TOP1: variants seen among roughly 807,000 people sequenced by gnomAD.
The protein encoded by TOP1 is DNA topoisomerase 1.
A neutral mutation model predicts 111.1 loss-of-function variants in TOP1; 10 were observed. The observed-to-expected ratio is 0.09, with a 90% CI of 0.06 to 0.15. The LOEUF (loss-of-function observed/expected upper bound fraction) is 0.15. TOP1 is among the 10% of genes least tolerant of loss of function. The pLI is 1.00. For synonymous variants in TOP1, 271 were observed against 302.9 expected, an observed-to-expected ratio of 0.89 and a Z score of 1.10; for missense variants, 474 against 926.7, an observed-to-expected ratio of 0.51 and a Z score of 6.34.
At chr20:41,073,314 T>G (rs1023132681) in intron 3 of TOP1, 3 of 983,102 alleles carry the variant, frequency 3.1e-6, no homozygotes, top group Non-Finnish European at 3.6e-6. Context: ...TAAAGGAAGA[T>G]GGAGTGTTCC....
rs539660053 is a variant in TOP1 at position 41,080,871 on chromosome 20, T to C, written c.432-294T>C. On this transcript the variant is annotated intron_variant, in intron 6 of 20. Transcript: ENST00000361337. The surrounding 1 kb of genome is among the most constrained non-coding windows in gnomAD (Gnocchi z 5.0). The stretch of plus-strand genomic sequence containing the variant: ...TTTATTTATTTTATTTTATTTTTTT[T>C]CCCAGACTTTCATCTGATAATGATA... Among the ~76,000 whole-genome samples the C allele has an allele frequency of 6.6e-5, 10 of 152,284 alleles. No individual in the cohort carries two copies. The highest frequency in any genetic ancestry group is 1.4e-4 in the African/African-American group (6 of 41,570).
chr20:41,077,857 C>G (rs1270152396), intron 5 of TOP1, among the ~76,000 whole-genome samples: 1 of 151,228 alleles, frequency 6.6e-6, no homozygotes, highest in African/African-American at 2.4e-5. Context: ...AAGGTTATTT[C>G]GAATAGAGAA....
chr20:41,089,973 C>A (rs556832217), intron 8 of TOP1, among the ~76,000 whole-genome samples: 1 of 151,912 alleles, frequency 6.6e-6, no homozygotes, highest in Non-Finnish European at 1.5e-5. Context: ...CCCACCCCCA[C>A]GTGTTTTTTT....
At position 41,123,384 on chromosome 20, in the gene TOP1, G is replaced by C; in HGVS notation, c.*87G>C. 6.7e-6 allele frequency: 6 copies of C among 898,266 alleles called. No homozygotes were observed. The South Asian group carries it at 9.1e-5, about 14-fold the overall frequency. The allele number at this position is 898,266 out of a possible 1,614,324, so 55.6% of individuals were successfully genotyped here. On this transcript the variant is annotated 3_prime_UTR_variant, in exon 21 of 21. Transcript: ENST00000361337. The surrounding 1 kb of genome is among the most constrained non-coding windows in gnomAD (Gnocchi z 5.8). ...CTGAGCCTCACTTGCCCTCGTGCCT[G>C]GGGGAGAGAGGCAGCAAGTCTTAAC...
At chr20:41,073,489 A>T in intron 3 of TOP1, 1 of 985,194 alleles carries the variant, frequency 1.0e-6, no homozygotes. Flanking sequence ...CCTCGATGGT[A>T]AAATAAAGCT....
intron 3 of TOP1, among the ~76,000 whole-genome samples, chr20:41,064,602 A>G (rs1017386071): frequency 6.6e-6 from 1 of 152,044 alleles, no homozygotes; most frequent in African/African-American, 2.4e-5. Context: ...ATGTTTTCTG[A>G]TGCCGCTAAG....
chr20:41,105,657 C>T (rs899007209), intron 13 of TOP1, among the ~76,000 whole-genome samples: 10 of 152,090 alleles, frequency 6.6e-5, no homozygotes, highest in Non-Finnish European at 4.4e-5. Flanking sequence ...GCCACCATGC[C>T]CAGCTAATTT....
At position 41,118,440 on chromosome 20, in the gene TOP1, T is replaced by C. The variant is rs1568708571; in HGVS notation, c.1950+144T>C. 5 of 914,194 alleles carry C rather than the reference T, an allele frequency of 5.5e-6. No homozygotes were observed. The highest frequency in any genetic ancestry group is 2.5e-5 in the Admixed American group (1 of 40,684). The allele number at this position is 914,194 out of a possible 1,614,324, so 56.6% of individuals were successfully genotyped here. On this transcript the variant is annotated intron_variant, in intron 18 of 20. Transcript: ENST00000361337. The surrounding 1 kb of genome is among the most constrained non-coding windows in gnomAD (Gnocchi z 4.6). ...TAAAGATAAACAAATGGAAATATGA[T>C]AGTAGTTAATCTCTGATCAAGATAC...
At position 41,116,870 on chromosome 20, in the gene TOP1, T is replaced by C. The variant is rs994081675; in HGVS notation, c.1822+478T>C. Among the ~76,000 whole-genome samples the C allele has an allele frequency of 5.3e-4, 80 of 152,308 alleles. No individual in the cohort carries two copies. The highest frequency in any genetic ancestry group is 2.8e-3 in the Admixed American group (43 of 15,300). On this transcript the variant is annotated intron_variant, in intron 17 of 20. Coordinates refer to ENST00000361337, the MANE Select transcript of TOP1 (RefSeq NM_003286.4). This position sits in a 1 kb window ranked among gnomAD's most constrained non-coding sequence, Gnocchi z 5.6. ...CACCAAGATCCACGGGCTTTTTTTT[T>C]CCTGGAGCCCAGTCACTATTGAATT...
chr20:41,048,586 T>G (rs564411517), intron 2 of TOP1, among the ~76,000 whole-genome samples: 1 of 152,332 alleles, frequency 6.6e-6, no homozygotes, highest in Admixed American at 6.5e-5. Context: ...AAGGAGTTGC[T>G]CTAAGCGTGT....
chr20:41,081,856 A>C (rs6129752), intron 7 of TOP1, among the ~76,000 whole-genome samples: 1 of 152,018 alleles, frequency 6.6e-6, no homozygotes, highest in Non-Finnish European at 1.5e-5. Context: ...CTGTTCCTCT[A>C]TCTGGAACAC....
At chr20:41,084,795 G>C (rs756030508) in intron 8 of TOP1, among the ~76,000 whole-genome samples, 1 of 152,128 alleles carries the variant, frequency 6.6e-6, no homozygotes, top group African/African-American at 2.4e-5. Context: ...GAACAGAATG[G>C]ACTGTAGAAG....
rs1043693850 is a variant in TOP1 at position 41,030,991 on chromosome 20, A to G, written c.58+1536A>G. Reference sequence around the variant, plus strand: ...CTATTGGGGGAGACATAATTAGTTAATTATAAGGTAACTACTGGGGCATAT... The same window carrying G: ...CTATTGGGGGAGACATAATTAGTTAGTTATAAGGTAACTACTGGGGCATAT... On this transcript the variant is annotated intron_variant, in intron 2 of 20. Coordinates refer to ENST00000361337, the MANE Select transcript of TOP1 (RefSeq NM_003286.4). This position sits in a 1 kb window ranked among gnomAD's most constrained non-coding sequence, Gnocchi z 4.1. 3.9e-5 allele frequency among the ~76,000 whole-genome samples: 6 copies of G among 152,162 alleles called. No homozygotes were observed. Among genetic ancestry groups the G allele is most frequent in the Non-Finnish European group, 8.8e-5 (6 of 68,024 alleles).
rs1568707481 is a variant in TOP1, at chr20:41,116,426, C to A, written c.1822+34C>A. 2.0e-6 allele frequency: 3 copies of A among 1,520,656 alleles called. No homozygotes were observed. Among genetic ancestry groups the A allele is most frequent in the Admixed American group, 3.3e-5 (2 of 59,764 alleles). 94.2% of individuals were successfully genotyped at this position (1,520,656 alleles called of 1,614,324 possible). A position where few individuals can be genotyped will look rare whatever the true frequency, so the allele number is the denominator to read the frequency against. On this transcript the variant is annotated intron_variant, in intron 17 of 20. Transcript: ENST00000361337. This position sits in a 1 kb window ranked among gnomAD's most constrained non-coding sequence, Gnocchi z 5.6. ...TGCTTGGCCAGATAGGGCCCACACCCCTACTAATGGTATCCGGTGACCTTG... is the reference window on the plus strand; with the variant it reads ...TGCTTGGCCAGATAGGGCCCACACCACTACTAATGGTATCCGGTGACCTTG...
chr20:41,089,305 C>T lies in TOP1; in HGVS notation c.615-3167C>T, dbSNP rs537576071. On this transcript the variant is annotated intron_variant, in intron 8 of 20. Transcript: ENST00000361337. ...CCTCCCAAAGTGCTGGGATTACAGG[C>T]GTGAGCCACCGTGCCCAGCCTATTC... Among the ~76,000 whole-genome samples, 3 of 152,242 alleles carry T rather than the reference C, an allele frequency of 2.0e-5. No homozygotes were observed. In the East Asian group the frequency reaches 5.8e-4, roughly 29 times the overall value.
intron 18 of TOP1, among the ~76,000 whole-genome samples, chr20:41,120,498 G>A (rs1389836868): frequency 6.6e-6 from 1 of 152,208 alleles, no homozygotes; most frequent in Non-Finnish European, 1.5e-5. Context: ...AGTAGCGTGA[G>A]CTCAGTGACA....
At position 41,082,209 on chromosome 20, in the gene TOP1, G is replaced by A. The variant is rs1173704251; in HGVS notation, c.507+969G>A. Among the ~76,000 whole-genome samples, 2 of 152,178 alleles carry A rather than the reference G, an allele frequency of 1.3e-5. No homozygotes were observed. The highest frequency in any genetic ancestry group is 4.8e-5 in the African/African-American group (2 of 41,444). On this transcript the variant is annotated intron_variant, in intron 7 of 20. Coordinates refer to ENST00000361337, the MANE Select transcript of TOP1 (RefSeq NM_003286.4). This position sits in a 1 kb window ranked among gnomAD's most constrained non-coding sequence, Gnocchi z 4.1. ...GACAGTTTGAAGTACCAGCAGTAAA[G>A]AGAATGATAGTGAAGGGGCAGGGAG...
At chr20:41,060,772 T>C (rs2033535051) in intron 2 of TOP1, among the ~76,000 whole-genome samples, 1 of 152,218 alleles carries the variant, frequency 6.6e-6, no homozygotes, top group African/African-American at 2.4e-5. Context: ...ATATATACTT[T>C]AACTCACCAC....
intron 13 of TOP1, among the ~76,000 whole-genome samples, chr20:41,105,564 C>T (rs1051745806): frequency 6.6e-6 from 1 of 152,234 alleles, no homozygotes; most frequent in Non-Finnish European, 1.5e-5. Flanking sequence ...GTGGCGTGAT[C>T]TTGGCTCACT....
Sources: allele counts gnomAD v4.1 joint callset (sites outside exome capture counted in the v4.1 genomes callset), GRCh38; gene constraint gnomAD v4.1.1; non-coding constraint Gnocchi (gnomAD v3.1); transcripts MANE v1.5; gene names NCBI Gene and HGNC (gene_info 2026-07-23, HGNC 2026-07-21).